KIAA1549L: variants seen among roughly 807,000 people sequenced by gnomAD.
KIAA1549L encodes KIAA1549 like.
KIAA1549L carries 88 observed loss-of-function variants against 160.7 expected under a neutral mutation model. The ratio of observed to expected loss-of-function variants is 0.55; its 90% CI spans 0.46 to 0.65. KIAA1549L has a LOEUF of 0.65. Ranked by LOEUF, KIAA1549L falls within the 30% of genes least tolerant of loss-of-function variation. The pLI, the probability that KIAA1549L is intolerant of heterozygous loss-of-function variation, is 0.00. For missense variants in KIAA1549L, 2,258 were observed against 2,437.5 expected (o/e 0.93, Z 1.55); for synonymous variants, 950 against 976.7 (o/e 0.97, Z 0.51).
chr11:33,613,897 G>T (rs183864756), intron 15 of KIAA1549L, among the ~76,000 whole-genome samples: 2 of 152,240 alleles, frequency 1.3e-5, no homozygotes, highest in East Asian at 3.9e-4. Context: ...CTCTTACCCA[G>T]AGACACAAAG....
At chr11:33,651,082 A>G (rs1162297896) in intron 17 of KIAA1549L, among the ~76,000 whole-genome samples, 1 of 152,154 alleles carries the variant, frequency 6.6e-6, no homozygotes, top group Non-Finnish European at 1.5e-5. Context: ...CAGAGTGTAA[A>G]TGTACCTCGC....
chr11:33,396,019 G>T (rs1418423855), intron 1 of KIAA1549L, among the ~76,000 whole-genome samples: 1 of 152,004 alleles, frequency 6.6e-6, no homozygotes, highest in Non-Finnish European at 1.5e-5. Context: ...GGAATTGGTT[G>T]TATTTTTTTC....
At chr11:33,519,927 A>G (rs1456637065) in intron 1 of KIAA1549L, among the ~76,000 whole-genome samples, 2 of 141,518 alleles carry the variant, frequency 1.4e-5, no homozygotes, top group African/African-American at 5.4e-5. Context: ...ATCAAAGGAA[A>G]TATCGGGTCG....
chr11:33,565,895 C>T (rs554569917), intron 8 of KIAA1549L, among the ~76,000 whole-genome samples: 84 of 152,122 alleles, frequency 5.5e-4, no homozygotes, highest in Non-Finnish European at 8.8e-4. Flanking sequence ...ATGCCTGTAG[C>T]CCAGGCTACT....
chr11:33,579,637 G>A (rs1565195564), intron 10 of KIAA1549L, among the ~76,000 whole-genome samples: 1 of 152,170 alleles, frequency 6.6e-6, no homozygotes, highest in Non-Finnish European at 1.5e-5. Context: ...ATCCTAGGAA[G>A]GTTAAGAAAG....
chr11:33,442,095 G>A (rs1478481956), intron 1 of KIAA1549L, among the ~76,000 whole-genome samples: 4 of 151,486 alleles, frequency 2.6e-5, no homozygotes, highest in African/African-American at 7.3e-5. Flanking sequence ...ATTAATTTTT[G>A]TATAAGGTAT....
chr11:33,575,845 T>G (rs1276411934), intron 10 of KIAA1549L, among the ~76,000 whole-genome samples: 1 of 152,164 alleles, frequency 6.6e-6, no homozygotes, highest in East Asian at 1.9e-4. Flanking sequence ...ATCCGGAGAC[T>G]AAGGCCTTGA....
intron 12 of KIAA1549L, among the ~76,000 whole-genome samples, chr11:33,594,339 G>T (rs1850144181): frequency 6.6e-6 from 1 of 152,040 alleles, no homozygotes; most frequent in South Asian, 2.1e-4. Flanking sequence ...TATTTTGGTG[G>T]GTCAGCACAT....
intron 6 of KIAA1549L, among the ~76,000 whole-genome samples, chr11:33,559,351 C>G (rs1854759611): frequency 6.6e-6 from 1 of 152,096 alleles, no homozygotes; most frequent in African/African-American, 2.4e-5. Context: ...CTATTTAGCC[C>G]AGGAAAAGAT....
At chr11:33,460,816 T>C (rs60093254) in intron 1 of KIAA1549L, among the ~76,000 whole-genome samples, 1,570 of 152,292 alleles carry the variant, frequency 0.01, 17 homozygotes, top group African/African-American at 0.035. Context: ...GCAGAGATGA[T>C]CCTGAGGGAA....
chr11:33,429,008 G>C (rs200144321), intron 1 of KIAA1549L, among the ~76,000 whole-genome samples: 2 of 151,444 alleles, frequency 1.3e-5, no homozygotes, highest in African/African-American at 4.8e-5. Flanking sequence ...TTTTGCTCTT[G>C]TCACCCAGGC....
intron 1 of KIAA1549L, among the ~76,000 whole-genome samples, chr11:33,419,143 G>A (rs182907342): frequency 6.4e-4 from 98 of 152,244 alleles, no homozygotes; most frequent in African/African-American, 2.2e-3. Context: ...AAAGTGCTGG[G>A]ATTACAGGCA....
intron 1 of KIAA1549L, among the ~76,000 whole-genome samples, chr11:33,380,772 G>A (rs539759264): frequency 6.6e-6 from 1 of 152,130 alleles, no homozygotes; most frequent in African/African-American, 2.4e-5. Context: ...TCTTCTTGAT[G>A]AATCGATACC....
At chr11:33,407,855 C>T (rs1850699453) in intron 1 of KIAA1549L, among the ~76,000 whole-genome samples, 1 of 152,148 alleles carries the variant, frequency 6.6e-6, no homozygotes, top group Non-Finnish European at 1.5e-5. Context: ...CCCGTCTATC[C>T]ATTTTCTCTC....
intron 16 of KIAA1549L, among the ~76,000 whole-genome samples, chr11:33,634,832 C>T (rs1426651660): frequency 6.6e-6 from 1 of 152,162 alleles, no homozygotes; most frequent in East Asian, 1.9e-4. Context: ...GTCTTTTCTA[C>T]TGAACTGAAA....
intron 1 of KIAA1549L, among the ~76,000 whole-genome samples, chr11:33,469,638 G>T (rs1852136998): frequency 6.6e-6 from 1 of 152,138 alleles, no homozygotes; most frequent in Non-Finnish European, 1.5e-5. Flanking sequence ...AATCTTGCCG[G>T]CAATGTATGA....
rs776660658 is a variant in KIAA1549L at position 33,490,324 on chromosome 11, CT to C, written c.239-51461del. Among the ~76,000 whole-genome samples, 1,052 of 135,528 alleles carry C rather than the reference CT, an allele frequency of 7.8e-3. 5 individuals are homozygous for C. Among genetic ancestry groups the C allele is most frequent in the African/African-American group, 0.02 (703 of 35,890 alleles). 88.9% of individuals were successfully genotyped at this position (135,528 alleles called of 152,430 possible). A position where few individuals can be genotyped will look rare whatever the true frequency, so the allele number is the denominator to read the frequency against. On this transcript the variant is annotated intron_variant, in intron 1 of 20. Coordinates refer to ENST00000658780, the MANE Select transcript of KIAA1549L (RefSeq NM_012194.3). ...GTTGACAGAACTACTTACTTTACCT[CT>C]TTTTTTTTTTTTTTTTGAGACAGTA... is the stretch of plus-strand genomic sequence containing the variant.
intron 13 of KIAA1549L, among the ~76,000 whole-genome samples, chr11:33,601,590 A>G (rs957104971): frequency 6.6e-6 from 1 of 152,190 alleles, no homozygotes; most frequent in Non-Finnish European, 1.5e-5. Context: ...GGCCTCTGAG[A>G]ATCCATTATT....
intron 16 of KIAA1549L, among the ~76,000 whole-genome samples, chr11:33,641,222 C>T (rs1035397069): frequency 2.6e-5 from 4 of 152,154 alleles, no homozygotes; most frequent in Admixed American, 1.3e-4. Context: ...TATATTTGTT[C>T]GCTAAACAGA....
Sources: gnomAD v4.1 joint callset for allele counts (sites outside exome capture counted in the v4.1 genomes callset) on GRCh38, gnomAD v4.1.1 for gene constraint, MANE v1.5 for transcripts, NCBI Gene and HGNC (gene_info 2026-07-23, HGNC 2026-07-21) for gene names.